MED4: variants seen among roughly 807,000 people sequenced by gnomAD.
The protein encoded by MED4 is mediator of RNA polymerase II transcription subunit 4.
A neutral mutation model predicts 35.0 loss-of-function variants in MED4; 21 were observed. The observed-to-expected ratio is 0.60, with a 90% CI of 0.43 to 0.86. The LOEUF (loss-of-function observed/expected upper bound fraction) is 0.86, where lower values mean the gene tolerates loss of function less well. Ranked by LOEUF, MED4 falls within the 40% of genes least tolerant of loss-of-function variation. The pLI is 0.00. For synonymous variants in MED4, 138 were observed against 114.0 expected (o/e 1.21, Z -1.34); for missense variants, 300 against 319.4 (o/e 0.94, Z 0.46).
rs149932437 is a variant in MED4, at chr13:48,078,059, G to C, written c.641-748C>G. 3.5e-3 allele frequency among the ~76,000 whole-genome samples: 526 copies of C among 152,290 alleles called. 1 individual carries two copies. The highest frequency in any genetic ancestry group is 5.2e-3 in the Non-Finnish European group (351 of 68,022). On this transcript the variant is annotated intron_variant, in intron 6 of 6. Coordinates refer to ENST00000258648, the MANE Select transcript of MED4 (RefSeq NM_014166.4). Reference sequence around the variant, plus strand: ...TATTGTAAGTGACTCTCATCAAAGAGAGGTTGATTAGCAATGTATGCATAT... The same window carrying C: ...TATTGTAAGTGACTCTCATCAAAGACAGGTTGATTAGCAATGTATGCATAT...
intron 1 of MED4, among the ~76,000 whole-genome samples, chr13:48,092,588 G>A (rs889550956): frequency 1.3e-5 from 2 of 152,210 alleles, no homozygotes; most frequent in African/African-American, 4.8e-5. Context: ...AAATGACACT[G>A]GTTTTGACGA....
At chr13:48,094,585 A>C (rs971013401) in intron 1 of MED4, among the ~76,000 whole-genome samples, 4 of 152,034 alleles carry the variant, frequency 2.6e-5, no homozygotes, top group Non-Finnish European at 4.4e-5. Flanking sequence ...CTCTAATAAA[A>C]ACAGGCCCCA....
intron 1 of MED4, among the ~76,000 whole-genome samples, chr13:48,092,864 G>A (rs1009919417): frequency 7.2e-5 from 11 of 152,170 alleles, no homozygotes; most frequent in Non-Finnish European, 1.3e-4. Flanking sequence ...GCCTTCCTCT[G>A]TTCTTGCAAA....
At position 48,095,100 on chromosome 13, in the gene MED4, G is replaced by A. The variant is rs776070218; in HGVS notation, c.-22C>T. ...CCATTTTCCCCAGAGTCCCGCCACCGGCGCACGCGCAGAGCGAGCTGACGC... is the reference window on the plus strand; with the variant it reads ...CCATTTTCCCCAGAGTCCCGCCACCAGCGCACGCGCAGAGCGAGCTGACGC... On this transcript the variant is annotated 5_prime_UTR_variant, in exon 1 of 7. Coordinates refer to ENST00000258648, the MANE Select transcript of MED4 (RefSeq NM_014166.4). The A allele has an allele frequency of 6.2e-6, 10 of 1,600,686 alleles. No homozygotes were observed. The highest frequency in any genetic ancestry group is 1.7e-4 in the Middle Eastern group (1 of 6,052).
chr13:48,084,296 T>G (rs910901601), intron 3 of MED4, among the ~76,000 whole-genome samples: 3 of 147,916 alleles, frequency 2.0e-5, no homozygotes, highest in Non-Finnish European at 1.5e-5. Context: ...AAAAAGAGTA[T>G]GGAGTCAGAG....
intron 3 of MED4, among the ~76,000 whole-genome samples, chr13:48,085,480 C>T (rs988302746): frequency 3.6e-4 from 55 of 152,314 alleles, no homozygotes; most frequent in African/African-American, 1.3e-3. Flanking sequence ...CATTAGCCAC[C>T]ATGCCCGGCC....
intron 1 of MED4, chr13:48,093,748 A>G (rs576542220): frequency 2.1e-4 from 49 of 236,538 alleles, no homozygotes; most frequent in Non-Finnish European, 3.2e-4. Context: ...TCTGCTGTCT[A>G]GGTGTTTTCG....
intron 3 of MED4, among the ~76,000 whole-genome samples, chr13:48,085,607 G>C (rs1248003764): frequency 1.3e-5 from 2 of 152,162 alleles, no homozygotes; most frequent in Non-Finnish European, 2.9e-5. Context: ...TAATACATTT[G>C]TTAAGAGATT....
At position 48,076,417 on chromosome 13, in the gene MED4, AAAAAAAATTATTT is replaced by A; in HGVS notation, c.*709_*721del. On this transcript the variant is annotated 3_prime_UTR_variant, in exon 7 of 7. Coordinates refer to ENST00000258648, the MANE Select transcript of MED4 (RefSeq NM_014166.4). ...GCTGTGGTAAATTTTTTCAATTATT[AAAAAAAATTATTT>A]CTTCTAATAGGAATAGGCCTTTGAG... The A allele has an allele frequency of 6.6e-6, 1 of 152,048 alleles. No individual in the cohort carries two copies. The highest frequency in any genetic ancestry group is 1.5e-5 in the Non-Finnish European group (1 of 67,934). The allele number at this position is 152,048 out of a possible 1,614,324, so 9.4% of individuals were successfully genotyped here.
At chr13:48,082,462 A>G (rs77044974) in intron 4 of MED4, among the ~76,000 whole-genome samples, 1 of 152,252 alleles carries the variant, frequency 6.6e-6, no homozygotes, top group Non-Finnish European at 1.5e-5. Context: ...CTAGAAGTCA[A>G]CAGCCAGCCT....
At chr13:48,090,230 A>G in intron 2 of MED4, 122 bp downstream of exon 2, 1 of 731,578 alleles carries the variant, frequency 1.4e-6, no homozygotes, top group Non-Finnish European at 2.2e-6. Context: ...ATAACTTAAA[A>G]GGATCCAACA....
intron 3 of MED4, among the ~76,000 whole-genome samples, chr13:48,084,852 A>C (rs981775539): frequency 1.3e-5 from 2 of 150,934 alleles, no homozygotes; most frequent in Non-Finnish European, 2.9e-5. Context: ...TAATATATAT[A>C]TAATATATAC....
At chr13:48,077,396 A>G in intron 6 of MED4, 85 bp from the exon 7 acceptor site, 13 of 1,165,290 alleles carry the variant, frequency 1.1e-5, no homozygotes, top group Non-Finnish European at 1.5e-5. Flanking sequence ...AACAATTTGA[A>G]GTATTTTTTT....
At chr13:48,089,039 A>G (rs933118661) in intron 2 of MED4, among the ~76,000 whole-genome samples, 5 of 152,218 alleles carry the variant, frequency 3.3e-5, no homozygotes, top group South Asian at 4.1e-4. Flanking sequence ...CAAGCATTTA[A>G]TAAGTGTCTA....
intron 6 of MED4, among the ~76,000 whole-genome samples, chr13:48,079,310 AAG>A (rs1281532581): frequency 4.6e-5 from 7 of 152,246 alleles, no homozygotes; most frequent in Non-Finnish European, 1.0e-4. Context: ...ATAATTTAAA[AAG>A]AGAGGCCAAA....
At chr13:48,078,271 T>C (rs941273987) in intron 6 of MED4, among the ~76,000 whole-genome samples, 1 of 151,640 alleles carries the variant, frequency 6.6e-6, no homozygotes, top group Non-Finnish European at 1.5e-5. Flanking sequence ...CCCTTCTCTC[T>C]GGCCCCTGAA....
chr13:48,080,415 A>AAG (rs1211337072), intron 5 of MED4, among the ~76,000 whole-genome samples: 2 of 150,390 alleles, frequency 1.3e-5, no homozygotes, highest in African/African-American at 4.9e-5. Context: ...AAAAAAAAAA[A>AAG]AAAGAAAGAA....
intron 1 of MED4, chr13:48,093,515 T>C: frequency 2.5e-6 from 1 of 406,726 alleles, no homozygotes; most frequent in Non-Finnish European, 5.1e-6. Flanking sequence ...ACTGACAAAC[T>C]TCACAGATCA....
At chr13:48,084,142 C>A (rs1012645563) in intron 3 of MED4, among the ~76,000 whole-genome samples, 2 of 152,072 alleles carry the variant, frequency 1.3e-5, no homozygotes. Flanking sequence ...ACACGCCTAT[C>A]TCAGCTACTT....
Sources: allele counts gnomAD v4.1 joint callset (sites outside exome capture counted in the v4.1 genomes callset), GRCh38; gene constraint gnomAD v4.1.1; transcripts MANE v1.5; gene names NCBI Gene and HGNC (gene_info 2026-07-23, HGNC 2026-07-21).